SPON1: variants seen among roughly 807,000 people sequenced by gnomAD.
SPON1 encodes the protein spondin-1.
Under a neutral mutation model 111.7 loss-of-function variants are expected in SPON1, and 52 were observed. That is an observed-to-expected ratio of 0.47 (90% CI 0.37 to 0.59). The LOEUF is 0.59. SPON1 is among the 20% of genes least tolerant of loss of function. The pLI is 0.00. For missense variants in SPON1, 957 were observed against 1,068.5 expected, an observed-to-expected ratio of 0.90 and a Z score of 1.46; for synonymous variants, 410 against 395.8, an observed-to-expected ratio of 1.04 and a Z score of -0.43.
intron 6 of SPON1, among the ~76,000 whole-genome samples, chr11:14,212,471 A>G (rs1264653701): frequency 6.6e-6 from 1 of 152,210 alleles, no homozygotes; most frequent in Non-Finnish European, 1.5e-5. Context: ...AGTATTCCAT[A>G]TAAGTGGTTT....
chr11:14,075,046 T>G (rs1848906137), intron 3 of SPON1, among the ~76,000 whole-genome samples: 1 of 152,220 alleles, frequency 6.6e-6, no homozygotes, highest in South Asian at 2.1e-4. Flanking sequence ...ATTAAAATAC[T>G]GTTAGTTCAC....
chr11:13,982,716 C>A, intron 1 of SPON1, 131 bp from the exon 2 acceptor site: 1 of 660,006 alleles, frequency 1.5e-6, no homozygotes, highest in South Asian at 1.8e-5. Flanking sequence ...TGGATGAAGG[C>A]CTCAACACTG....
At chr11:14,020,812 A>G (rs1469516935) in intron 2 of SPON1, among the ~76,000 whole-genome samples, 1 of 152,230 alleles carries the variant, frequency 6.6e-6, no homozygotes, top group Non-Finnish European at 1.5e-5. Context: ...GCCATTTACC[A>G]GCTGTGTGAC....
chr11:14,243,619 C>T (rs1848954920), intron 7 of SPON1, among the ~76,000 whole-genome samples: 1 of 152,214 alleles, frequency 6.6e-6, no homozygotes, highest in South Asian at 2.1e-4. Flanking sequence ...AATACCACAG[C>T]CAGATGTGAT....
intron 3 of SPON1, among the ~76,000 whole-genome samples, chr11:14,047,079 C>T (rs1178680820): frequency 6.6e-6 from 1 of 152,006 alleles, no homozygotes; most frequent in Non-Finnish European, 1.5e-5. Context: ...CTTGGTAGTT[C>T]TACTGGCTTA....
rs1528667 is a variant in SPON1 at position 14,011,977 on chromosome 11, A to T, written c.345+29024A>T. Among the ~76,000 whole-genome samples, 5 of 152,072 alleles carry T rather than the reference A, an allele frequency of 3.3e-5. No homozygotes were observed. In the South Asian group the frequency reaches 1.0e-3, roughly 32 times the overall value. On this transcript the variant is annotated intron_variant, in intron 2 of 15. Transcript: ENST00000576479. ...ATGGCAGTAATAGTAGCCTCCTCAA[A>T]GGAAGGGTGTGAGGGCTGCAATGCA...
intron 7 of SPON1, among the ~76,000 whole-genome samples, chr11:14,251,734 T>G (rs556788826): frequency 2.3e-4 from 35 of 152,332 alleles, no homozygotes; most frequent in Non-Finnish European, 4.7e-4. Flanking sequence ...CAGGTGCCAG[T>G]GCTGTCTGCT....
At chr11:14,010,402 G>T (rs149613743) in intron 2 of SPON1, among the ~76,000 whole-genome samples, 161 of 152,286 alleles carry the variant, frequency 1.1e-3, no homozygotes, top group African/African-American at 3.6e-3. Context: ...ATTAAAAAAA[G>T]ATGAGCTAAG....
At chr11:14,237,373 A>G (rs368113749) in intron 6 of SPON1, among the ~76,000 whole-genome samples, 14 of 152,332 alleles carry the variant, frequency 9.2e-5, no homozygotes, top group Admixed American at 7.2e-4. Flanking sequence ...AAAGCCACCA[A>G]CCAGGGTCAG....
At chr11:14,165,311 A>G (rs1246248520) in intron 6 of SPON1, among the ~76,000 whole-genome samples, 1 of 152,126 alleles carries the variant, frequency 6.6e-6, no homozygotes, top group Non-Finnish European at 1.5e-5. Flanking sequence ...TAACACCTTG[A>G]TCTTAAGGTG....
At chr11:14,261,387 C>T (rs1849176797) in intron 14 of SPON1, among the ~76,000 whole-genome samples, 1 of 152,216 alleles carries the variant, frequency 6.6e-6, no homozygotes, top group Non-Finnish European at 1.5e-5. Context: ...GTGGCTCTGG[C>T]CCCCTCCAGC....
intron 5 of SPON1, among the ~76,000 whole-genome samples, chr11:14,106,490 A>G (rs551574924): frequency 6.6e-6 from 1 of 152,268 alleles, no homozygotes; most frequent in South Asian, 2.1e-4. Context: ...AGGGCCAACT[A>G]TTTATAATCA....
At chr11:14,220,053 C>T (rs1234447221) in intron 6 of SPON1, among the ~76,000 whole-genome samples, 1 of 150,450 alleles carries the variant, frequency 6.6e-6, no homozygotes, top group South Asian at 2.1e-4. Flanking sequence ...TACCACTGCA[C>T]TCCAGCCTGG....
In SPON1 at chr11:14,259,135, T is replaced by G; in HGVS notation, c.1493-145T>G. The G allele has an allele frequency of 1.3e-6, 1 of 796,456 alleles. No homozygotes were observed. The highest frequency in any genetic ancestry group is 1.9e-6 in the Non-Finnish European group (1 of 527,442). The allele number at this position is 796,456 out of a possible 1,614,324, so 49.3% of individuals were successfully genotyped here. Reference sequence around the variant, plus strand: ...TTTCCTCTTAGAGAACTTTGCCAGTTTAAGGATTTAGACCTCTTAGGTGTG... The same window carrying G: ...TTTCCTCTTAGAGAACTTTGCCAGTGTAAGGATTTAGACCTCTTAGGTGTG... On this transcript the variant is annotated intron_variant, in intron 11 of 15. Transcript: ENST00000576479. The surrounding 1 kb of genome is among the most constrained non-coding windows in gnomAD (Gnocchi z 5.0).
Position 14,259,817 on chromosome 11 carries a change from A to G in SPON1, c.1831+116A>G, listed in dbSNP as rs888897834. ...GGCTGAGCAGAGGAAAGCATGGCCC[A>G]TGGTCCTTGCTGGGCACTGCTGGGA... is the stretch of plus-strand genomic sequence containing the variant. On this transcript the variant is annotated intron_variant, in intron 13 of 15. Coordinates refer to ENST00000576479, the MANE Select transcript of SPON1 (RefSeq NM_006108.4). This position sits in a 1 kb window ranked among gnomAD's most constrained non-coding sequence, Gnocchi z 5.0. 3.2e-5 allele frequency: 39 copies of G among 1,215,126 alleles called. No homozygotes were observed. The highest frequency in any genetic ancestry group is 5.4e-4 in the Middle Eastern group (2 of 3,720). The allele number at this position is 1,215,126 out of a possible 1,614,324, so 75.3% of individuals were successfully genotyped here.
intron 6 of SPON1, among the ~76,000 whole-genome samples, chr11:14,141,848 A>G (rs1847660297): frequency 1.3e-5 from 2 of 152,128 alleles, no homozygotes; most frequent in Non-Finnish European, 2.9e-5. Context: ...TCTATGATTC[A>G]TGACATGCTG....
intron 3 of SPON1, among the ~76,000 whole-genome samples, chr11:14,067,179 A>G (rs1848839350): frequency 6.6e-6 from 1 of 151,692 alleles, no homozygotes; most frequent in African/African-American, 2.4e-5. Flanking sequence ...TCTGCCTCAA[A>G]AAAAACAAAA....
chr11:14,038,117 G>GT (rs71041565), intron 2 of SPON1, among the ~76,000 whole-genome samples: 45,657 of 151,780 alleles, frequency 0.3, 7,915 homozygotes, highest in South Asian at 0.51. Flanking sequence ...AGTGAGCCGA[G>GT]ATCGTGCCAC....
At chr11:14,136,891 T>C (rs9919640) in intron 6 of SPON1, among the ~76,000 whole-genome samples, 59,575 of 151,978 alleles carry the variant, frequency 0.39, 11,905 homozygotes, top group East Asian at 0.54. Context: ...TGCAGGGCTC[T>C]ATATTGGTGC....
Sources: gnomAD v4.1 joint callset for allele counts (sites outside exome capture counted in the v4.1 genomes callset) on GRCh38, gnomAD v4.1.1 for gene constraint, Gnocchi (gnomAD v3.1) non-coding constraint, MANE v1.5 for transcripts, NCBI Gene and HGNC (gene_info 2026-07-23, HGNC 2026-07-21) for gene names.